The following MAGI1 variants were observed in gnomAD, a reference collection of about 807,000 sequenced individuals.
The protein encoded by MAGI1 is membrane associated guanylate kinase, WW and PDZ domain containing 1, also known as membrane-associated guanylate kinase, WW and PDZ domain-containing protein 1.
Under a neutral mutation model 139.9 loss-of-function variants are expected in MAGI1, and 58 were observed. That is an observed-to-expected ratio of 0.41 (90% CI 0.34 to 0.52). MAGI1 has a LOEUF of 0.52. Among genes scored for constraint, MAGI1 ranks in the 20% least tolerant of loss-of-function variants. The pLI, the probability that MAGI1 is intolerant of heterozygous loss-of-function variation, is 0.12. For missense variants in MAGI1, 1,874 were observed against 1,901.6 expected (o/e 0.99, Z 0.27); for synonymous variants, 812 against 737.9 (o/e 1.10, Z -1.63).
chr3:65,863,973 A>C (rs1337275300), intron 1 of MAGI1, among the ~76,000 whole-genome samples: 2 of 152,186 alleles, frequency 1.3e-5, no homozygotes, highest in Non-Finnish European at 2.9e-5. Context: ...TGGTATAATT[A>C]ATTGATTATT....
intron 1 of MAGI1, among the ~76,000 whole-genome samples, chr3:65,822,255 T>C (rs1411682629): frequency 1.3e-5 from 2 of 152,176 alleles, no homozygotes; most frequent in African/African-American, 2.4e-5. Flanking sequence ...AGACTGTATA[T>C]TCAGTTTTGT....
chr3:65,916,392 AAG>A (rs758964486), intron 1 of MAGI1, among the ~76,000 whole-genome samples: 288 of 152,158 alleles, frequency 1.9e-3, no homozygotes, highest in Non-Finnish European at 3.1e-3. Flanking sequence ...TATAAAGAAA[AAG>A]AGGTTTAATG....
intron 2 of MAGI1, among the ~76,000 whole-genome samples, chr3:65,610,267 A>G (rs2082981312): frequency 6.6e-6 from 1 of 152,170 alleles, no homozygotes; most frequent in Non-Finnish European, 1.5e-5. Flanking sequence ...TGGGAGAACT[A>G]GAATTGAACA....
At chr3:65,985,618 T>C (rs546179998) in intron 1 of MAGI1, among the ~76,000 whole-genome samples, 1 of 152,334 alleles carries the variant, frequency 6.6e-6, no homozygotes, top group African/African-American at 2.4e-5. Context: ...TTTCCCCTGG[T>C]ACTTTGAAAA....
At chr3:65,792,979 T>C (rs1413814828) in intron 1 of MAGI1, among the ~76,000 whole-genome samples, 2 of 152,078 alleles carry the variant, frequency 1.3e-5, no homozygotes, top group Non-Finnish European at 1.5e-5. Context: ...CACACCAAAG[T>C]AGGAGAAATA....
intron 1 of MAGI1, 141 bp downstream of exon 1, chr3:66,037,855 T>C: frequency 7.1e-7 from 1 of 1,415,648 alleles, no homozygotes; most frequent in Non-Finnish European, 9.5e-7. Context: ...CTTTGTGTAT[T>C]TCACCGCCAC....
intron 1 of MAGI1, among the ~76,000 whole-genome samples, chr3:65,915,788 G>A (rs1214766779): frequency 6.6e-6 from 1 of 151,692 alleles, no homozygotes; most frequent in Non-Finnish European, 1.5e-5. Context: ...ATACTTCCTG[G>A]CTTTCCTCTC....
intron 1 of MAGI1, among the ~76,000 whole-genome samples, chr3:65,811,404 T>A (rs1254405762): frequency 6.6e-6 from 1 of 152,156 alleles, no homozygotes; most frequent in Non-Finnish European, 1.5e-5. Context: ...CCAACCCTCT[T>A]CTTGGGAAGC....
intron 1 of MAGI1, among the ~76,000 whole-genome samples, chr3:65,833,611 T>A (rs528518322): frequency 6.6e-6 from 1 of 152,344 alleles, no homozygotes; most frequent in South Asian, 2.1e-4. Context: ...TATTTGTAAG[T>A]CTTTACTATG....
chr3:65,624,768 G>A (rs756256462), intron 1 of MAGI1, among the ~76,000 whole-genome samples: 3 of 152,092 alleles, frequency 2.0e-5, no homozygotes, highest in East Asian at 1.9e-4. Flanking sequence ...TTCTATACAC[G>A]GGGCCTCTAT....
intron 1 of MAGI1, among the ~76,000 whole-genome samples, chr3:65,772,537 G>C (rs902561790): frequency 3.3e-4 from 50 of 152,194 alleles, no homozygotes; most frequent in African/African-American, 1.2e-3. Flanking sequence ...ACAAGGGAGG[G>C]ACACCTCTTT....
intron 1 of MAGI1, among the ~76,000 whole-genome samples, chr3:65,656,245 G>C (rs2080212161): frequency 2.6e-5 from 4 of 152,096 alleles, no homozygotes. Flanking sequence ...TCAGAAGTTA[G>C]AAAACTTGCA....
intron 12 of MAGI1, among the ~76,000 whole-genome samples, chr3:65,410,558 A>C (rs560264648): frequency 2.6e-5 from 4 of 152,346 alleles, no homozygotes; most frequent in African/African-American, 9.6e-5. Context: ...ATTTACAGAA[A>C]ATTTTTAATA....
intron 1 of MAGI1, among the ~76,000 whole-genome samples, chr3:65,950,067 CAAAAAAAAA>C: frequency 1.3e-5 from 1 of 76,738 alleles, no homozygotes; most frequent in African/African-American, 5.8e-5. Flanking sequence ...AACAAAAAAA[CAAAAAAAAA>C]ACAAAAAAAA....
intron 2 of MAGI1, among the ~76,000 whole-genome samples, chr3:65,547,986 T>C (rs763627531): frequency 2.6e-5 from 4 of 152,116 alleles, no homozygotes; most frequent in Admixed American, 6.5e-5. Context: ...GAGGAGTAAA[T>C]GAAGTAATTG....
intron 1 of MAGI1, among the ~76,000 whole-genome samples, chr3:65,675,045 G>A (rs1307718838): frequency 1.3e-5 from 2 of 152,052 alleles, no homozygotes; most frequent in African/African-American, 4.8e-5. Context: ...TATCTCGTAA[G>A]ATAAAGGAAT....
chr3:65,761,518 C>G (rs2037022053), intron 1 of MAGI1, among the ~76,000 whole-genome samples: 1 of 152,166 alleles, frequency 6.6e-6, no homozygotes, highest in Non-Finnish European at 1.5e-5. Flanking sequence ...CATGAGGTTT[C>G]ATTTCTAACC....
In MAGI1 at chr3:65,515,525, A is replaced by T. The variant is rs556601973; in HGVS notation, c.431-21894T>A. On this transcript the variant is annotated intron_variant, in intron 2 of 22. Coordinates refer to ENST00000402939, the MANE Select transcript of MAGI1 (RefSeq NM_001033057.2). ...ATGGAAAATATAAAATTCACACAAT[A>T]GGGCCTGATCAAATCTTTGGTAGTT... 3.0e-3 allele frequency among the ~76,000 whole-genome samples: 456 copies of T among 152,320 alleles called. 1 individual carries two copies. Among genetic ancestry groups the T allele is most frequent in the African/African-American group, 0.01 (429 of 41,576 alleles).
intron 1 of MAGI1, among the ~76,000 whole-genome samples, chr3:65,638,597 A>ATTTTTT (rs1173086138): frequency 0.019 from 762 of 41,010 alleles, 174 homozygotes; most frequent in Non-Finnish European, 0.028. Context: ...TGCTCTCCTG[A>ATTTTTT]TTTTTTTTTT....
Sources: gnomAD v4.1 joint callset for allele counts (sites outside exome capture counted in the v4.1 genomes callset) on GRCh38, gnomAD v4.1.1 for gene constraint, MANE v1.5 for transcripts, NCBI Gene and HGNC (gene_info 2026-07-23, HGNC 2026-07-21) for gene names.